EPHA4: variants seen among roughly 807,000 people sequenced by gnomAD.
EPHA4 encodes EPH receptor A4, also known as ephrin type-A receptor 4.
Under a neutral mutation model 108.3 loss-of-function variants are expected in EPHA4, and 19 were observed. The ratio of observed to expected loss-of-function variants is 0.18; its 90% CI spans 0.12 to 0.26. The LOEUF (loss-of-function observed/expected upper bound fraction) is 0.26, where lower values mean the gene tolerates loss of function less well. Ranked by LOEUF, EPHA4 falls within the 10% of genes least tolerant of loss-of-function variation. The pLI is 1.00. For missense variants in EPHA4, 917 were observed against 1,254.0 expected (o/e 0.73, Z 4.06); for synonymous variants, 449 against 455.5 (o/e 0.99, Z 0.18).
intron 5 of EPHA4, among the ~76,000 whole-genome samples, chr2:221,476,766 T>G (rs1691664256): frequency 6.6e-6 from 1 of 152,138 alleles, no homozygotes; most frequent in African/African-American, 2.4e-5. Flanking sequence ...CTGTTCTCCA[T>G]TATCCCACTC....
chr2:221,491,313 T>A (rs573084347), intron 4 of EPHA4, among the ~76,000 whole-genome samples: 1 of 152,364 alleles, frequency 6.6e-6, no homozygotes, highest in South Asian at 2.1e-4. Flanking sequence ...TAATTTACTT[T>A]CCTTGCAAAG....
chr2:221,437,097 C>A lies in EPHA4; in HGVS notation c.2100G>T (p.Glu700Asp), dbSNP rs764320268. The stretch of plus-strand genomic sequence containing the variant: ...CATCCAAGGAGCCATTCTCCATGTA[C>A]TCTGTTATGATCATTACTGGTTTAC... The part of the protein sequence containing the change: ...TKCKPVMIIT[E>D]YMENGSLDAF... The change falls in exon 12 of 18, where the codon GAG becomes GAT. Residue 700 changes from glutamate to aspartate, a missense_variant. By Grantham distance (45) the Glu-to-Asp change is conservative. Around this residue, in one of 3 missense-constraint regions of EPHA4, gnomAD observed 758 missense variants for 1,076.7 expected, o/e 0.70. Coordinates refer to ENST00000281821, the MANE Select transcript of EPHA4 (RefSeq NM_004438.5). 1 of 1,612,592 alleles carries A rather than the reference C, an allele frequency of 6.2e-7. No individual in the cohort carries two copies. Among genetic ancestry groups the A allele is most frequent in the East Asian group, 2.2e-5 (1 of 44,858 alleles).
chr2:221,450,952 G>A (rs1162415365), intron 8 of EPHA4, among the ~76,000 whole-genome samples: 2 of 152,118 alleles, frequency 1.3e-5, no homozygotes, highest in Non-Finnish European at 2.9e-5. Flanking sequence ...GGTAGCTCAC[G>A]CCTGTAATCC....
chr2:221,551,985 A>T (rs79444951), intron 3 of EPHA4, among the ~76,000 whole-genome samples: 1,704 of 152,156 alleles, frequency 0.011, 35 homozygotes, highest in African/African-American at 0.039. Context: ...TTTCAACTGC[A>T]CTTCTTTGCT....
chr2:221,522,284 T>C (rs572815157), intron 3 of EPHA4, among the ~76,000 whole-genome samples: 3 of 152,126 alleles, frequency 2.0e-5, no homozygotes, highest in Non-Finnish European at 4.4e-5. Context: ...AGCCATCAGA[T>C]AGGGTATCAA....
chr2:221,539,620 A>G (rs917044142), intron 3 of EPHA4, among the ~76,000 whole-genome samples: 46 of 152,158 alleles, frequency 3.0e-4, no homozygotes, highest in Admixed American at 1.9e-3. Context: ...CCTATCCTAA[A>G]ATACAGCGTA....
intron 3 of EPHA4, among the ~76,000 whole-genome samples, chr2:221,534,432 A>G (rs2106185551): frequency 6.6e-6 from 1 of 152,314 alleles, no homozygotes; most frequent in Admixed American, 6.5e-5. Context: ...CAAGTGCTCC[A>G]AGTTCTAACA....
At chr2:221,430,212 C>A in intron 14 of EPHA4, 61 bp from the exon 15 acceptor site, 1 of 1,501,986 alleles carries the variant, frequency 6.7e-7, no homozygotes, top group Non-Finnish European at 9.0e-7. Context: ...CAAGGTTCAC[C>A]CTTCCGACTG....
upstream of EPHA4, chr2:221,572,362 G>T (rs1574672229): frequency 3.3e-6 from 3 of 919,494 alleles, no homozygotes; most frequent in African/African-American, 1.7e-5. Flanking sequence ...GGCCGGTGAC[G>T]TGAGCCCGCC....
At chr2:221,515,960 GAAA>G (rs71050339) in intron 3 of EPHA4, among the ~76,000 whole-genome samples, 5 of 140,882 alleles carry the variant, frequency 3.5e-5, no homozygotes, top group Admixed American at 1.4e-4. Flanking sequence ...GATTTGAAGG[GAAA>G]AAAAAAAAAA....
chr2:221,453,830 A>G (rs1450188734), intron 8 of EPHA4, among the ~76,000 whole-genome samples: 1 of 152,192 alleles, frequency 6.6e-6, no homozygotes, highest in Non-Finnish European at 1.5e-5. Context: ...AGTGAACATA[A>G]TTGGTCCCTG....
At chr2:221,566,550 C>T (rs576344900) in intron 2 of EPHA4, among the ~76,000 whole-genome samples, 3 of 151,928 alleles carry the variant, frequency 2.0e-5, no homozygotes, top group African/African-American at 7.2e-5. Flanking sequence ...TTTGGAATGA[C>T]TAATTCTTTT....
intron 5 of EPHA4, among the ~76,000 whole-genome samples, chr2:221,472,039 T>C (rs1348000018): frequency 6.6e-6 from 1 of 152,152 alleles, no homozygotes; most frequent in Non-Finnish European, 1.5e-5. Context: ...ATTAGATTCA[T>C]TGGGTTTCAA....
chr2:221,484,889 T>A (rs1287948556), intron 4 of EPHA4, among the ~76,000 whole-genome samples: 1 of 152,188 alleles, frequency 6.6e-6, no homozygotes, highest in East Asian at 1.9e-4. Context: ...AAGGAAAAAT[T>A]TCAGCCAGTT....
rs1694840373 is a variant in EPHA4, at chr2:221,571,590, G to A, written c.91+568C>T. 6.6e-6 allele frequency among the ~76,000 whole-genome samples: 1 copy of A among 152,158 alleles called. No individual in the cohort carries two copies. The highest frequency in any genetic ancestry group is 6.5e-5 in the Admixed American group (1 of 15,288). On this transcript the variant is annotated intron_variant, in intron 1 of 17. Transcript: ENST00000281821. The surrounding 1 kb of genome is among the most constrained non-coding windows in gnomAD (Gnocchi z 6.3). ...CGCTGGGCTTGGCGAGGAGAAAGGT[G>A]TCTGACTCCGGGTGCTAGAAATCAG...
intron 5 of EPHA4, among the ~76,000 whole-genome samples, chr2:221,473,771 C>T (rs933878629): frequency 6.6e-6 from 1 of 152,014 alleles, no homozygotes; most frequent in African/African-American, 2.4e-5. Flanking sequence ...CCCTGCCCTG[C>T]CCATTTCTCA....
At chr2:221,491,346 C>A (rs960184152) in intron 4 of EPHA4, among the ~76,000 whole-genome samples, 2 of 152,154 alleles carry the variant, frequency 1.3e-5, no homozygotes, top group African/African-American at 2.4e-5. Flanking sequence ...TCTTATTTAA[C>A]AGCTGCAATC....
intron 3 of EPHA4, among the ~76,000 whole-genome samples, chr2:221,542,817 A>C (rs555004285): frequency 6.6e-6 from 1 of 152,242 alleles, no homozygotes; most frequent in Non-Finnish European, 1.5e-5. Context: ...AGAATCCTAC[A>C]TTTGTTTAAA....
intron 8 of EPHA4, among the ~76,000 whole-genome samples, chr2:221,451,228 T>C (rs1366123084): frequency 6.6e-6 from 1 of 152,152 alleles, no homozygotes; most frequent in African/African-American, 2.4e-5. Flanking sequence ...AATCAATCAA[T>C]ACGGTAATAC....
Sources: allele counts gnomAD v4.1 joint callset (sites outside exome capture counted in the v4.1 genomes callset), GRCh38; gene constraint gnomAD v4.1.1; regional missense constraint gnomAD v4.1.1; non-coding constraint Gnocchi (gnomAD v3.1); transcripts MANE v1.5; gene names NCBI Gene and HGNC (gene_info 2026-07-23, HGNC 2026-07-21).